The following GPM6A variants were observed in gnomAD, a reference collection of about 807,000 sequenced individuals.
GPM6A encodes neuronal membrane glycoprotein M6-a.
GPM6A carries 7 observed loss-of-function variants against 32.1 expected under a neutral mutation model. The observed-to-expected ratio is 0.22, with a 90% CI of 0.12 to 0.41. The LOEUF (loss-of-function observed/expected upper bound fraction) is 0.41. Among genes scored for constraint, GPM6A ranks in the 10% least tolerant of loss-of-function variants. The pLI is 1.00. For synonymous variants in GPM6A, 130 were observed against 123.4 expected, an observed-to-expected ratio of 1.05 and a Z score of -0.35; for missense variants, 235 against 347.2, an observed-to-expected ratio of 0.68 and a Z score of 2.57.
chr4:175,945,662 TTATAA>T (rs1739571843), intron 1 of GPM6A, among the ~76,000 whole-genome samples: 1 of 145,630 alleles, frequency 6.9e-6, no homozygotes, highest in African/African-American at 2.7e-5. Context: ...GTAATATAAG[TTATAA>T]TATATGTTAT....
chr4:175,982,225 T>C (rs1404170494), intron 1 of GPM6A, among the ~76,000 whole-genome samples: 1 of 152,114 alleles, frequency 6.6e-6, no homozygotes, highest in Non-Finnish European at 1.5e-5. Context: ...TGTCACAAAA[T>C]AAGACACAAA....
intron 1 of GPM6A, among the ~76,000 whole-genome samples, chr4:175,985,347 A>AGGGCC (rs1740942383): frequency 6.6e-6 from 1 of 152,022 alleles, no homozygotes; most frequent in Admixed American, 6.6e-5. Context: ...ACTTTTTGCT[A>AGGGCC]TTGTAAATTA....
chr4:175,676,132 G>A (rs2110991861), intron 2 of GPM6A, among the ~76,000 whole-genome samples: 1 of 152,212 alleles, frequency 6.6e-6, no homozygotes, highest in Non-Finnish European at 1.5e-5. Flanking sequence ...TGTGAAAAAC[G>A]TGTTTGCTTC....
chr4:175,976,980 A>C (rs1201543771), intron 1 of GPM6A, among the ~76,000 whole-genome samples: 3 of 152,356 alleles, frequency 2.0e-5, no homozygotes, highest in Admixed American at 6.5e-5. Context: ...TTGCATAATT[A>C]AGCTATTGGA....
At chr4:175,851,371 G>T (rs893009009) in intron 1 of GPM6A, among the ~76,000 whole-genome samples, 2 of 151,902 alleles carry the variant, frequency 1.3e-5, no homozygotes, top group Non-Finnish European at 2.9e-5. Context: ...AGTAATCCCA[G>T]CTACTCTGGA....
At chr4:175,782,365 G>A (rs28452202) in intron 1 of GPM6A, among the ~76,000 whole-genome samples, 1 of 151,838 alleles carries the variant, frequency 6.6e-6, no homozygotes, top group Non-Finnish European at 1.5e-5. Flanking sequence ...ATCCTTGAAG[G>A]TTCCTACAAA....
chr4:175,905,181 T>A (rs1048811943), intron 1 of GPM6A, among the ~76,000 whole-genome samples: 5 of 152,104 alleles, frequency 3.3e-5, no homozygotes, highest in African/African-American at 4.8e-5. Context: ...AAGGTAAATC[T>A]GTAGGAGAAA....
rs182587899 is a variant in GPM6A at position 175,949,085 on chromosome 4, G to A, written c.-23+53224C>T. ...CCATGCAACTAAGAAATCAAAAAAA[G>A]CTCCTAAAATGAGTAGCTAACTTAA... On this transcript the variant is annotated intron_variant, in intron 1 of 7. Transcript: ENST00000280187. Among the ~76,000 whole-genome samples the A allele has an allele frequency of 2.3e-3, 350 of 151,640 alleles. 3 individuals carry two copies. The highest frequency in any genetic ancestry group is 8.0e-3 in the African/African-American group (332 of 41,402).
At chr4:175,819,027 T>A (rs991371145) in intron 1 of GPM6A, among the ~76,000 whole-genome samples, 1 of 152,332 alleles carries the variant, frequency 6.6e-6, no homozygotes, top group African/African-American at 2.4e-5. Context: ...ATAAAGGTGA[T>A]CCAAATTTTA....
chr4:175,640,713 C>A, intron 5 of GPM6A, 40 bp downstream of exon 5: 1 of 1,302,438 alleles, frequency 7.7e-7, no homozygotes, highest in Non-Finnish European at 1.1e-6. Flanking sequence ...AAAATGAATG[C>A]TAAAATTCTG....
At chr4:175,983,751 T>C (rs1249951253) in intron 1 of GPM6A, among the ~76,000 whole-genome samples, 1 of 152,172 alleles carries the variant, frequency 6.6e-6, no homozygotes, top group African/African-American at 2.4e-5. Context: ...TTATTTTATT[T>C]TTGTCTGCTT....
At chr4:175,719,119 TAAA>T (rs1324272723) in intron 1 of GPM6A, among the ~76,000 whole-genome samples, 1 of 152,072 alleles carries the variant, frequency 6.6e-6, no homozygotes, top group Non-Finnish European at 1.5e-5. Context: ...ATTCCAAATT[TAAA>T]AAAACATTTT....
intron 1 of GPM6A, chr4:175,787,431 A>T: frequency 6.6e-7 from 1 of 1,518,116 alleles, no homozygotes; most frequent in South Asian, 1.2e-5. Context: ...CTCTCCTGTG[A>T]CAATTTAACA....
chr4:175,909,048 G>GC (rs201665054), intron 1 of GPM6A, among the ~76,000 whole-genome samples: 1 of 89,654 alleles, frequency 1.1e-5, no homozygotes. Flanking sequence ...AGGGCGGGGG[G>GC]GGGGCAACTA....
chr4:176,001,806 C>T (rs1325437733), intron 1 of GPM6A, among the ~76,000 whole-genome samples: 1 of 152,216 alleles, frequency 6.6e-6, no homozygotes, highest in Non-Finnish European at 1.5e-5. Flanking sequence ...TTCCTCTGCT[C>T]AAACCTGTAC....
At chr4:175,886,538 C>T (rs767718946) in intron 1 of GPM6A, among the ~76,000 whole-genome samples, 45 of 152,024 alleles carry the variant, frequency 3.0e-4, no homozygotes, top group African/African-American at 8.2e-4. Flanking sequence ...GGTCCTTCTA[C>T]GGTCCAGAAT....
At chr4:175,643,686 G>C (rs1022218200) in intron 4 of GPM6A, among the ~76,000 whole-genome samples, 1 of 152,150 alleles carries the variant, frequency 6.6e-6, no homozygotes, top group African/African-American at 2.4e-5. Flanking sequence ...TCAGGTAGTT[G>C]TTAACTGTCT....
At chr4:175,671,359 G>A (rs1477002717) in intron 3 of GPM6A, among the ~76,000 whole-genome samples, 3 of 150,406 alleles carry the variant, frequency 2.0e-5, no homozygotes, top group Non-Finnish European at 4.4e-5. Flanking sequence ...GAGCTGCACC[G>A]ATATAGTACC....
chr4:175,753,501 C>A (rs139390015), intron 1 of GPM6A, among the ~76,000 whole-genome samples: 2,096 of 152,166 alleles, frequency 0.014, 31 homozygotes, highest in South Asian at 0.037. Context: ...AACAAGTAAA[C>A]AGTTGTAGCT....
Sources: allele counts gnomAD v4.1 joint callset (sites outside exome capture counted in the v4.1 genomes callset), GRCh38; gene constraint gnomAD v4.1.1; transcripts MANE v1.5; gene names NCBI Gene and HGNC (gene_info 2026-07-23, HGNC 2026-07-21).